The following SPOCK3 variants were observed in gnomAD, a reference collection of about 807,000 sequenced individuals.
SPOCK3 encodes testican-3.
SPOCK3 carries 30 observed loss-of-function variants against 56.6 expected under a neutral mutation model. That is an observed-to-expected ratio of 0.53 (90% CI 0.40 to 0.72). The LOEUF (loss-of-function observed/expected upper bound fraction) is 0.72. SPOCK3 is among the 30% of genes least tolerant of loss of function. The pLI is 0.00. For missense variants in SPOCK3, 527 were observed against 530.0 expected, an observed-to-expected ratio of 0.99 and a Z score of 0.06; for synonymous variants, 196 against 183.3, an observed-to-expected ratio of 1.07 and a Z score of -0.56.
chr4:166,999,165 CCT>C (rs956367263), intron 4 of SPOCK3, among the ~76,000 whole-genome samples: 2 of 152,070 alleles, frequency 1.3e-5, no homozygotes, highest in East Asian at 1.9e-4. Context: ...TCTCCTACTC[CCT>C]CTCTCTGTTC....
At position 166,944,139 on chromosome 4, in the gene SPOCK3, T is replaced by A. The variant is rs112632064; in HGVS notation, c.351-31396A>T. Among the ~76,000 whole-genome samples, 1,194 of 152,206 alleles carry A rather than the reference T, an allele frequency of 7.8e-3. 7 individuals carry two copies. The highest frequency in any genetic ancestry group is 0.011 in the Non-Finnish European group (780 of 68,008). On this transcript the variant is annotated intron_variant, in intron 4 of 10. Coordinates refer to ENST00000357545, the MANE Select transcript of SPOCK3 (RefSeq NM_001040159.2). ...TCCAGCCTGGGTGACAGAGCAAGAC[T>A]GTCTCAAAAAAAATTTTTTTTGAAA...
At chr4:166,735,147 G>A in intron 10 of SPOCK3, 57 bp from the exon 11 acceptor site, 1 of 1,011,464 alleles carries the variant, frequency 9.9e-7, no homozygotes, top group Non-Finnish European at 1.5e-6. Flanking sequence ...GTCAATTTCT[G>A]CAAGATAAAA....
chr4:167,130,094 C>T (rs1037347625), intron 2 of SPOCK3, among the ~76,000 whole-genome samples: 1 of 152,102 alleles, frequency 6.6e-6, no homozygotes, highest in East Asian at 1.9e-4. Flanking sequence ...TAGCTTACTG[C>T]AGCCTTCAAT....
At chr4:167,199,258 T>TGTGTGTGC (rs1316280864) in intron 2 of SPOCK3, among the ~76,000 whole-genome samples, 12 of 151,742 alleles carry the variant, frequency 7.9e-5, no homozygotes, top group African/African-American at 1.4e-4. Flanking sequence ...TGTGTGTGTG[T>TGTGTGTGC]GTGTATTTAG....
At chr4:167,055,728 A>G (rs1296464319) in intron 3 of SPOCK3, among the ~76,000 whole-genome samples, 1 of 152,190 alleles carries the variant, frequency 6.6e-6, no homozygotes, top group Non-Finnish European at 1.5e-5. Flanking sequence ...ATCAAACTGC[A>G]AGGCTGCAGC....
chr4:167,183,032 CTG>C (rs72357806), intron 2 of SPOCK3, among the ~76,000 whole-genome samples: 21,644 of 152,090 alleles, frequency 0.14, 1,591 homozygotes, highest in South Asian at 0.18. Context: ...GTTGAAGAGA[CTG>C]TGCAAGTTCC....
intron 6 of SPOCK3, among the ~76,000 whole-genome samples, chr4:166,829,379 C>T (rs562162736): frequency 6.6e-6 from 1 of 152,032 alleles, no homozygotes; most frequent in East Asian, 1.9e-4. Flanking sequence ...GTAAATAGGG[C>T]TGAATATTTT....
At chr4:167,147,927 C>G (rs1416674971) in intron 2 of SPOCK3, among the ~76,000 whole-genome samples, 1 of 151,952 alleles carries the variant, frequency 6.6e-6, no homozygotes, top group Non-Finnish European at 1.5e-5. Flanking sequence ...CCTGCACATT[C>G]TGCACATGTA....
chr4:167,125,670 G>C (rs1037440218), intron 2 of SPOCK3, among the ~76,000 whole-genome samples: 1 of 152,046 alleles, frequency 6.6e-6, no homozygotes, highest in Non-Finnish European at 1.5e-5. Flanking sequence ...AGCCAAGATC[G>C]CGCCACTGGA....
intron 6 of SPOCK3, among the ~76,000 whole-genome samples, chr4:166,842,227 G>A (rs756393022): frequency 8.5e-5 from 13 of 152,230 alleles, no homozygotes; most frequent in Non-Finnish European, 1.6e-4. Context: ...CGGTGAGGAA[G>A]AGGACTTCAG....
At chr4:167,163,403 T>C (rs1270552964) in intron 2 of SPOCK3, among the ~76,000 whole-genome samples, 1 of 152,004 alleles carries the variant, frequency 6.6e-6, no homozygotes, top group East Asian at 1.9e-4. Context: ...GGAAACGGGG[T>C]ACCCATCACC....
chr4:166,804,514 C>G (rs576655029), intron 6 of SPOCK3, among the ~76,000 whole-genome samples: 1 of 152,246 alleles, frequency 6.6e-6, no homozygotes, highest in East Asian at 1.9e-4. Flanking sequence ...GGCACATTAT[C>G]ACAATGTCAC....
At chr4:167,132,818 T>A (rs1382613735) in intron 2 of SPOCK3, among the ~76,000 whole-genome samples, 1 of 152,186 alleles carries the variant, frequency 6.6e-6, no homozygotes, top group Non-Finnish European at 1.5e-5. Context: ...CTTCTGCATG[T>A]GTCTCATCTG....
chr4:166,904,942 G>A lies in SPOCK3; in HGVS notation c.474+7678C>T, dbSNP rs191472914. Among the ~76,000 whole-genome samples, 311 of 152,104 alleles carry A rather than the reference G, an allele frequency of 2.0e-3. 3 individuals carry two copies. The highest frequency in any genetic ancestry group is 7.0e-3 in the African/African-American group (290 of 41,516). On this transcript the variant is annotated intron_variant, in intron 5 of 10. Transcript: ENST00000357545. Reference sequence around the variant, plus strand: ...AATGCATCAGTTAAGGTCTTGCTGGGAGTTTTATTGCACAGTACAGTGCTG... The same window carrying A: ...AATGCATCAGTTAAGGTCTTGCTGGAAGTTTTATTGCACAGTACAGTGCTG...
chr4:166,881,206 C>T (rs1403973664), intron 6 of SPOCK3, among the ~76,000 whole-genome samples: 1 of 151,844 alleles, frequency 6.6e-6, no homozygotes, highest in East Asian at 1.9e-4. Flanking sequence ...TAAATAGAAA[C>T]ATCAGTCACA....
intron 2 of SPOCK3, among the ~76,000 whole-genome samples, chr4:167,202,445 G>C (rs1294721159): frequency 3.3e-5 from 5 of 151,960 alleles, no homozygotes; most frequent in Non-Finnish European, 5.9e-5. Context: ...TTGTGAAAGT[G>C]ACCATTTTAA....
chr4:166,992,469 T>C (rs1264354996), intron 4 of SPOCK3, among the ~76,000 whole-genome samples: 1 of 152,210 alleles, frequency 6.6e-6, no homozygotes, highest in African/African-American at 2.4e-5. Flanking sequence ...TTGGAAGAAC[T>C]AGAATAATCA....
intron 9 of SPOCK3, among the ~76,000 whole-genome samples, chr4:166,741,254 C>T (rs1439436414): frequency 6.6e-6 from 1 of 152,134 alleles, no homozygotes. Flanking sequence ...AGGATTATAG[C>T]AATGCTAATT....
chr4:166,808,821 G>A (rs1197136189), intron 6 of SPOCK3, among the ~76,000 whole-genome samples: 1 of 152,036 alleles, frequency 6.6e-6, no homozygotes, highest in Admixed American at 6.6e-5. Context: ...TCTACAAACA[G>A]AGGCAAAATT....
Sources: gnomAD v4.1 joint callset for allele counts (sites outside exome capture counted in the v4.1 genomes callset) on GRCh38, gnomAD v4.1.1 for gene constraint, MANE v1.5 for transcripts, NCBI Gene and HGNC (gene_info 2026-07-23, HGNC 2026-07-21) for gene names.